The following FOXK1 variants were observed in gnomAD, a reference collection of about 807,000 sequenced individuals.
FOXK1 encodes the protein forkhead box K1, also known as forkhead box protein K1.
Under a neutral mutation model 51.9 loss-of-function variants are expected in FOXK1, and 19 were observed. The ratio of observed to expected loss-of-function variants is 0.37; its 90% confidence interval spans 0.26 to 0.54. The LOEUF is 0.54. Ranked by LOEUF, FOXK1 falls within the 20% of genes least tolerant of loss-of-function variation. FOXK1 has a pLI of 0.87. For synonymous variants in FOXK1, 537 were observed against 482.6 expected (o/e 1.11, Z -1.48); for missense variants, 870 against 1,032.7 (o/e 0.84, Z 2.16).
chr7:4,758,888 G>T lies in FOXK1; in HGVS notation c.1245-163G>T, dbSNP rs1780890617. The T allele has an allele frequency of 1.4e-6, 1 of 695,900 alleles. No individual in the cohort carries two copies. Among genetic ancestry groups the T allele is most frequent in the South Asian group, 1.9e-5 (1 of 52,242 alleles). 43.1% of individuals were successfully genotyped at this position (695,900 alleles called of 1,614,324 possible). A position where few individuals can be genotyped will look rare whatever the true frequency, so the allele number is the denominator to read the frequency against. On this transcript the variant is annotated intron_variant, in intron 5 of 8. Coordinates refer to ENST00000328914, the MANE Select transcript of FOXK1 (RefSeq NM_001037165.2). The surrounding 1 kb of genome is among the most constrained non-coding windows in gnomAD (Gnocchi z 4.4). ...CACTCAAATGGAGTTTTAAAGGCTG[G>T]GTTCAGGTTACGGGGGCGTTTCTCA...
In FOXK1 at chr7:4,696,573, G is replaced by A. The variant is rs148959597; in HGVS notation, c.560+13705G>A. 3.7e-3 allele frequency among the ~76,000 whole-genome samples: 564 copies of A among 152,300 alleles called. 18 individuals are homozygous for A. The highest frequency in any genetic ancestry group is 0.028 in the Admixed American group (431 of 15,288). ...GTTGGTGTGAATACCGGGTATCTCC[G>A]TCTCCCAGAAGCTGCGAGTCCCTCG... On this transcript the variant is annotated intron_variant, in intron 1 of 8. Coordinates refer to ENST00000328914, the MANE Select transcript of FOXK1 (RefSeq NM_001037165.2).
Position 4,755,530 on chromosome 7 carries a change from G to C in FOXK1, c.1050+147G>C, listed in dbSNP as rs113076579. The C allele has an allele frequency of 5.0e-3, 5,549 of 1,116,714 alleles. 194 individuals are homozygous for C. In the African/African-American group the frequency reaches 0.076, roughly 15 times the overall value. 69.2% of individuals were successfully genotyped at this position (1,116,714 alleles called of 1,614,324 possible). A position where few individuals can be genotyped will look rare whatever the true frequency, so the allele number is the denominator to read the frequency against. Reference sequence around the variant, plus strand: ...GCATTTTGTGAGGCCGAGGCAGGAGGAGGATCAAGACCAGCCTGTGCAACA... The same window carrying C: ...GCATTTTGTGAGGCCGAGGCAGGAGCAGGATCAAGACCAGCCTGTGCAACA... On this transcript the variant is annotated intron_variant, in intron 4 of 8. Coordinates refer to ENST00000328914, the MANE Select transcript of FOXK1 (RefSeq NM_001037165.2). This position sits in a 1 kb window ranked among gnomAD's most constrained non-coding sequence, Gnocchi z 6.6.
chr7:4,754,350 T>G, intron 2 of FOXK1, 109 bp from the exon 3 acceptor site: 384 of 1,286,970 alleles, frequency 3.0e-4, no homozygotes, highest in Middle Eastern at 6.2e-4. Flanking sequence ...TTGGAAAGTG[T>G]GAGCTTCTTC....
At chr7:4,685,380 A>G (rs1779806396) in intron 1 of FOXK1, among the ~76,000 whole-genome samples, 2 of 151,570 alleles carry the variant, frequency 1.3e-5, no homozygotes, top group Non-Finnish European at 2.9e-5. Flanking sequence ...ACGCCCAGCT[A>G]ATTCTTTGTA....
intron 1 of FOXK1, among the ~76,000 whole-genome samples, chr7:4,719,075 C>T (rs1363007275): frequency 4.6e-5 from 7 of 151,712 alleles, no homozygotes; most frequent in Non-Finnish European, 5.9e-5. Flanking sequence ...TCCCAAAGTG[C>T]TGGGATTACA....
chr7:4,709,447 A>G lies in FOXK1; in HGVS notation c.560+26579A>G. 6.6e-6 allele frequency among the ~76,000 whole-genome samples: 1 copy of G among 151,876 alleles called. No individual in the cohort carries two copies. The highest frequency in any genetic ancestry group is 3.2e-3 in the Middle Eastern group (1 of 316). On this transcript the variant is annotated intron_variant, in intron 1 of 8. Coordinates refer to ENST00000328914, the MANE Select transcript of FOXK1 (RefSeq NM_001037165.2). The surrounding 1 kb of genome is among the most constrained non-coding windows in gnomAD (Gnocchi z 5.6). ...CAGTCCACATAGGCTGCTTATCTGG[A>G]CTCGATGTCTCCGAGCAGATCGAGG...
Position 4,740,955 on chromosome 7 carries a change from G to T in FOXK1, c.678G>T (p.Lys226Asn), listed in dbSNP as rs767939432. The T allele has an allele frequency of 3.8e-5, 60 of 1,570,548 alleles. No individual in the cohort carries two copies. Among genetic ancestry groups the T allele is most frequent in the Non-Finnish European group, 5.0e-5 (58 of 1,162,078 alleles). ...RPLYPQISPLKIHIPEPDLRS... is the reference protein window; with the variant it reads ...RPLYPQISPLNIHIPEPDLRS... ...TGTACCCCCAGATCTCCCCTCTGAA[G>T]ATCCACATCCCGGAGCCGGACCTCC... The change falls in exon 2 of 9, where the codon AAG (lysine) becomes AAT (asparagine). Residue 226 changes from lysine (K) to asparagine (N), a missense_variant. Physicochemically the swap from Lys to Asn is moderately conservative, Grantham distance 94 (BLOSUM62 0). Around this residue, in one of 3 missense-constraint regions of FOXK1, gnomAD observed 399 missense variants for 475.6 expected, o/e 0.84. Coordinates refer to ENST00000328914, the MANE Select transcript of FOXK1 (RefSeq NM_001037165.2).
rs1029630925 is a variant in FOXK1 at position 4,761,798 on chromosome 7, G to T, written c.1922-386G>T. On this transcript the variant is annotated intron_variant, in intron 8 of 8. Coordinates refer to ENST00000328914, the MANE Select transcript of FOXK1 (RefSeq NM_001037165.2). The surrounding 1 kb of genome is among the most constrained non-coding windows in gnomAD (Gnocchi z 6.2). ...CCATGGGGTGAGGCAAGAGGTCAAA[G>T]GAAGGAGGAGAGTTGGGGTGCTGGG... Among the ~76,000 whole-genome samples, 2 of 152,212 alleles carry T rather than the reference G, an allele frequency of 1.3e-5. No homozygotes were observed. The highest frequency in any genetic ancestry group is 4.8e-5 in the African/African-American group (2 of 41,452).
rs1177546589 is a variant in FOXK1 at position 4,755,720 on chromosome 7, G to A, written c.1050+337G>A. 6.6e-6 allele frequency among the ~76,000 whole-genome samples: 1 copy of A among 152,148 alleles called. No homozygotes were observed. The highest frequency in any genetic ancestry group is 2.4e-5 in the African/African-American group (1 of 41,438). On this transcript the variant is annotated intron_variant, in intron 4 of 8. Coordinates refer to ENST00000328914, the MANE Select transcript of FOXK1 (RefSeq NM_001037165.2). This position sits in a 1 kb window ranked among gnomAD's most constrained non-coding sequence, Gnocchi z 6.6. Reference sequence around the variant, plus strand: ...CACTCCAGCCTGGGAGACAGAGAAAGACCCTGTGTCTACAAAGAAAAAAAA... The same window carrying A: ...CACTCCAGCCTGGGAGACAGAGAAAAACCCTGTGTCTACAAAGAAAAAAAA...
rs11973019 is a variant in FOXK1, at chr7:4,723,594, C to T, written c.561-17244C>T. 1.3e-3 allele frequency among the ~76,000 whole-genome samples: 195 copies of T among 152,248 alleles called. No individual in the cohort carries two copies. The highest frequency in any genetic ancestry group is 4.5e-3 in the African/African-American group (188 of 41,540). On this transcript the variant is annotated intron_variant, in intron 1 of 8. Coordinates refer to ENST00000328914, the MANE Select transcript of FOXK1 (RefSeq NM_001037165.2). The surrounding 1 kb of genome is among the most constrained non-coding windows in gnomAD (Gnocchi z 4.7). ...AGGTCCCTCCTCGCCGTGGTACAAT[C>T]GCCACGGCACAGGACCGAGCGTGGA...
At chr7:4,740,317 C>T (rs935434843) in intron 1 of FOXK1, among the ~76,000 whole-genome samples, 8 of 151,998 alleles carry the variant, frequency 5.3e-5, no homozygotes, top group African/African-American at 1.9e-4. Context: ...GTAGTCCCAG[C>T]TACTCGGGAG....
Position 4,755,625 on chromosome 7 carries a change from G to A in FOXK1, c.1050+242G>A, listed in dbSNP as rs1318324519. Among the ~76,000 whole-genome samples the A allele has an allele frequency of 2.0e-5, 3 of 152,178 alleles. No individual in the cohort carries two copies. Among genetic ancestry groups the A allele is most frequent in the Admixed American group, 6.5e-5 (1 of 15,278 alleles). On this transcript the variant is annotated intron_variant, in intron 4 of 8. Coordinates refer to ENST00000328914, the MANE Select transcript of FOXK1 (RefSeq NM_001037165.2). This position sits in a 1 kb window ranked among gnomAD's most constrained non-coding sequence, Gnocchi z 6.6. ...TGCACACCTGTGGTCGCAGCTACTC[G>A]GAGGCTGAGGTGGGAGGATCACTTG...
rs766420272 is a variant in FOXK1, at chr7:4,761,149, C to T, written c.1782C>T (p.Pro594=). 3.0e-5 allele frequency: 48 copies of T among 1,612,622 alleles called. No individual in the cohort carries two copies. The highest frequency in any genetic ancestry group is 4.5e-5 in the East Asian group (2 of 44,876). ...VIQTVASQMA[P]GVPGHTVTIL... ...AGACGGTGGCCAGCCAGATGGCCCC[C>T]GGGGTCCCCGGACACACGGTCACCA... The change falls in exon 8 of 9, where the codon CCC becomes CCT. Residue 594 remains proline (P), a synonymous_variant. Coordinates refer to ENST00000328914, the MANE Select transcript of FOXK1 (RefSeq NM_001037165.2). This position sits in a 1 kb window ranked among gnomAD's most constrained non-coding sequence, Gnocchi z 6.2.
In FOXK1 at chr7:4,730,660, C is replaced by T. The variant is rs1181814413; in HGVS notation, c.561-10178C>T. Among the ~76,000 whole-genome samples the T allele has an allele frequency of 6.6e-6, 1 of 152,226 alleles. No individual in the cohort carries two copies. The highest frequency in any genetic ancestry group is 1.5e-5 in the Non-Finnish European group (1 of 68,038). ...TGCGGGTTCGTCTGTAACCTGTGTCCCTTCACTGCCATGCACTGCTCTTAG... is the reference window on the plus strand; with the variant it reads ...TGCGGGTTCGTCTGTAACCTGTGTCTCTTCACTGCCATGCACTGCTCTTAG... On this transcript the variant is annotated intron_variant, in intron 1 of 8. Transcript: ENST00000328914. This position sits in a 1 kb window ranked among gnomAD's most constrained non-coding sequence, Gnocchi z 4.7.
At chr7:4,705,853 T>C (rs963543772) in intron 1 of FOXK1, among the ~76,000 whole-genome samples, 9 of 151,176 alleles carry the variant, frequency 6.0e-5, no homozygotes, top group Non-Finnish European at 1.3e-4. Context: ...TCATTTCTTT[T>C]TGTAGGAACC....
In FOXK1 at chr7:4,758,906, G is replaced by A; in HGVS notation, c.1245-145G>A. On this transcript the variant is annotated intron_variant, in intron 5 of 8. Transcript: ENST00000328914. This position sits in a 1 kb window ranked among gnomAD's most constrained non-coding sequence, Gnocchi z 4.4. ...AAGGCTGGGTTCAGGTTACGGGGGC[G>A]TTTCTCACCGTCTGAATGCGGAGGA... is the stretch of plus-strand genomic sequence containing the variant. 4 of 845,282 alleles carry A rather than the reference G, an allele frequency of 4.7e-6. No homozygotes were observed. The highest frequency in any genetic ancestry group is 7.1e-6 in the Non-Finnish European group (4 of 560,316). The allele number at this position is 845,282 out of a possible 1,614,324, so 52.4% of individuals were successfully genotyped here. A position where few individuals can be genotyped will look rare whatever the true frequency, so the allele number is the denominator to read the frequency against.
chr7:4,685,722 CACTTGAGTTCAGGAGTTCAAGACCACCCT>C (rs1281725379), intron 1 of FOXK1, among the ~76,000 whole-genome samples: 1 of 151,840 alleles, frequency 6.6e-6, no homozygotes, highest in Non-Finnish European at 1.5e-5. Flanking sequence ...GCGGGTGGAT[CACTTGAGTTCAGGAGTTCAAGACCACCCT>C]GGCCAATGTG....
At chr7:4,720,805 A>G (rs769486876) in intron 1 of FOXK1, among the ~76,000 whole-genome samples, 2 of 146,304 alleles carry the variant, frequency 1.4e-5, no homozygotes, top group Non-Finnish European at 3.0e-5. Flanking sequence ...TGCAACCTCT[A>G]CCTCCTGGGT....
At chr7:4,725,455 AG>A (rs1780367904) in intron 1 of FOXK1, among the ~76,000 whole-genome samples, 1 of 152,194 alleles carries the variant, frequency 6.6e-6, no homozygotes, top group Non-Finnish European at 1.5e-5. Flanking sequence ...CCAGCCAGCC[AG>A]GGGGACACGG....
Sources: gnomAD v4.1 joint callset for allele counts (sites outside exome capture counted in the v4.1 genomes callset) on GRCh38, gnomAD v4.1.1 for gene constraint, gnomAD v4.1.1 regional missense constraint, Gnocchi (gnomAD v3.1) non-coding constraint, MANE v1.5 for transcripts, NCBI Gene and HGNC (gene_info 2026-07-23, HGNC 2026-07-21) for gene names.